Variants in LRRFIP2 observed in about 807,000 individuals in gnomAD.
LRRFIP2 encodes LRR binding FLII interacting protein 2.
In LRRFIP2, 109 loss-of-function variants were observed where a neutral mutation model predicts 125.9. The observed-to-expected ratio is 0.87, with a 90% confidence interval of 0.74 to 1.01. LRRFIP2 has a LOEUF of 1.01. LRRFIP2 is among the 50% of genes least tolerant of loss of function. LRRFIP2 has a pLI of 0.00. For synonymous variants in LRRFIP2, 291 were observed against 293.1 expected (o/e 0.99, Z 0.07); for missense variants, 850 against 862.3 (o/e 0.99, Z 0.18).
At chr3:37,063,383 A>G (rs2089299827) in intron 24 of LRRFIP2, among the ~76,000 whole-genome samples, 2 of 152,236 alleles carry the variant, frequency 1.3e-5, no homozygotes, top group Admixed American at 1.3e-4. Flanking sequence ...GAAGCAGAAC[A>G]ATCAAGATGC....
At chr3:37,153,010 C>T (rs965887871) in intron 1 of LRRFIP2, among the ~76,000 whole-genome samples, 5 of 152,106 alleles carry the variant, frequency 3.3e-5, no homozygotes, top group Admixed American at 6.6e-5. Flanking sequence ...GGAAGTATAT[C>T]AATAGTTTAA....
chr3:37,105,577 C>A, intron 13 of LRRFIP2, 54 bp from the exon 14 acceptor site: 1 of 1,327,728 alleles, frequency 7.5e-7, no homozygotes, highest in African/African-American at 1.4e-5. Flanking sequence ...TATGGTGTTA[C>A]CTCATTATAA....
intron 2 of LRRFIP2, among the ~76,000 whole-genome samples, chr3:37,132,688 C>T (rs529581281): frequency 3.3e-4 from 51 of 152,266 alleles, no homozygotes; most frequent in African/African-American, 1.2e-3. Context: ...TAGCAAGGAG[C>T]CAACACTGAT....
intron 2 of LRRFIP2, among the ~76,000 whole-genome samples, chr3:37,147,615 G>A: frequency 6.6e-6 from 1 of 151,950 alleles, no homozygotes; most frequent in Non-Finnish European, 1.5e-5. Context: ...ACAATGAGCT[G>A]GATCAAAAAA....
At chr3:37,077,290 T>C (rs950024202) in intron 19 of LRRFIP2, among the ~76,000 whole-genome samples, 2 of 152,170 alleles carry the variant, frequency 1.3e-5, no homozygotes, top group Non-Finnish European at 2.9e-5. Flanking sequence ...TCTATTAATA[T>C]AGGGAACTGG....
intron 2 of LRRFIP2, chr3:37,140,460 C>T (rs1167765258): frequency 6.6e-6 from 1 of 151,948 alleles, no homozygotes; most frequent in Non-Finnish European, 1.5e-5. Context: ...TTATTGAGGC[C>T]GGACACAGTG....
intron 20 of LRRFIP2, 86 bp downstream of exon 20, chr3:37,074,938 T>G: frequency 1.1e-6 from 1 of 873,006 alleles, no homozygotes; most frequent in Non-Finnish European, 1.9e-6. Context: ...TGATGCATCT[T>G]AACTCTCCTT....
At chr3:37,156,026 C>T (rs2096178967) in intron 1 of LRRFIP2, among the ~76,000 whole-genome samples, 2 of 152,142 alleles carry the variant, frequency 1.3e-5, no homozygotes. Flanking sequence ...AGGCGTACAC[C>T]ACTGCATTTG....
intron 1 of LRRFIP2, among the ~76,000 whole-genome samples, chr3:37,160,504 G>A (rs2096308229): frequency 6.6e-6 from 1 of 152,158 alleles, no homozygotes; most frequent in East Asian, 1.9e-4. Context: ...ACAGGGTCGG[G>A]CGCAGTGTCT....
At chr3:37,103,418 T>A (rs1181120388) in intron 14 of LRRFIP2, among the ~76,000 whole-genome samples, 1 of 152,254 alleles carries the variant, frequency 6.6e-6, no homozygotes, top group East Asian at 1.9e-4. Context: ...ATATGCTGAA[T>A]GCAGAATTAT....
At chr3:37,098,842 GA>G (rs1341344416) in intron 15 of LRRFIP2, among the ~76,000 whole-genome samples, 1 of 152,048 alleles carries the variant, frequency 6.6e-6, no homozygotes, top group East Asian at 1.9e-4. Flanking sequence ...TTATCTTCCT[GA>G]GTATTTTCCA....
At chr3:37,093,592 G>A (rs2093579981) in intron 17 of LRRFIP2, among the ~76,000 whole-genome samples, 1 of 152,110 alleles carries the variant, frequency 6.6e-6, no homozygotes, top group South Asian at 2.1e-4. Flanking sequence ...CATCCTCACT[G>A]TTGAACCACA....
intron 1 of LRRFIP2, among the ~76,000 whole-genome samples, chr3:37,160,791 G>GA (rs1159513281): frequency 3.4e-5 from 5 of 147,014 alleles, no homozygotes; most frequent in Non-Finnish European, 7.5e-5. Context: ...AAAAAAAAAA[G>GA]AAAAAAAAAT....
chr3:37,108,075 C>A lies in LRRFIP2; in HGVS notation c.712G>T (p.Gly238Trp), dbSNP rs368205831. ...SRISSARSSPGFTNDDTASIV... is the reference protein window; with the variant it reads ...SRISSARSSPWFTNDDTASIV... ...CATGCAGAGACTAGACAGCTCACCC[C>A]TGGACTGCTTCGGGCTGAACTTATT... Residue 238 changes from glycine (G) to tryptophan (W), a missense_variant and splice_region_variant, in exon 13 of 28, where the codon GGG (glycine) becomes TGG (tryptophan). By Grantham distance (184) the Gly-to-Trp change is radical. Coordinates refer to ENST00000336686, the MANE Select transcript of LRRFIP2 (RefSeq NM_006309.4). 2 of 1,613,694 alleles carry A rather than the reference C, an allele frequency of 1.2e-6. No individual in the cohort carries two copies. Among genetic ancestry groups the A allele is most frequent in the African/African-American group, 2.7e-5 (2 of 74,926 alleles).
At chr3:37,104,016 TCTC>T in intron 14 of LRRFIP2, among the ~76,000 whole-genome samples, 1 of 152,114 alleles carries the variant, frequency 6.6e-6, no homozygotes, top group East Asian at 1.9e-4. Context: ...TTAAAATACT[TCTC>T]AAGGAAGGGA....
rs1303825797 is a variant in LRRFIP2 at position 37,094,788 on chromosome 3, T to A, written c.1035+4A>T. ...TAAAAAGAAAACCAAAAACTTCAGT[T>A]TACCCGCAATTCACTTAATGAAGTG... On this transcript the variant is annotated splice_donor_region_variant and intron_variant, in intron 17 of 27. Transcript: ENST00000336686. 1 of 1,605,218 alleles carries A rather than the reference T, an allele frequency of 6.2e-7. No homozygotes were observed. The highest frequency in any genetic ancestry group is 1.7e-5 in the Admixed American group (1 of 59,828).
rs760815711 is a variant in LRRFIP2, at chr3:37,053,004, T to C, written c.*847A>G. ...ACAAAATGAACATGTCAGTAGCCAA[T>C]TGTGGTTGGCAAAAGGGTGTATTTA... On this transcript the variant is annotated 3_prime_UTR_variant, in exon 28 of 28. Transcript: ENST00000336686. The C allele has an allele frequency of 3.9e-5, 6 of 152,582 alleles. No individual in the cohort carries two copies. The highest frequency in any genetic ancestry group is 3.9e-4 in the Admixed American group (6 of 15,276). 9.5% of individuals were successfully genotyped at this position (152,582 alleles called of 1,614,324 possible).
Position 37,121,487 on chromosome 3 carries a change from C to T in LRRFIP2, c.330+5G>A, listed in dbSNP as rs1268163060. 2.5e-6 allele frequency: 4 copies of T among 1,613,468 alleles called. No individual in the cohort carries two copies. Among genetic ancestry groups the T allele is most frequent in the Non-Finnish European group, 3.4e-6 (4 of 1,179,570 alleles). On this transcript the variant is annotated splice_donor_5th_base_variant and intron_variant, in intron 6 of 27. Transcript: ENST00000336686. ...TGTATTGTGTAGACAAGTTAAAATA[C>T]CAACCCTGTGACTGCCAACACTTCG... is the stretch of plus-strand genomic sequence containing the variant.
chr3:37,097,196 CAAAA>C (rs567057697), intron 15 of LRRFIP2, among the ~76,000 whole-genome samples: 1 of 120,526 alleles, frequency 8.3e-6, no homozygotes. Flanking sequence ...TGCACATGAC[CAAAA>C]AAAAAAAAAA....
Sources: gnomAD v4.1 joint callset for allele counts (sites outside exome capture counted in the v4.1 genomes callset) on GRCh38, gnomAD v4.1.1 for gene constraint, MANE v1.5 for transcripts, NCBI Gene and HGNC (gene_info 2026-07-23, HGNC 2026-07-21) for gene names.